NOX3: variants seen among roughly 807,000 people sequenced by gnomAD.
NOX3 encodes NADPH oxidase 3, also known as NADPH oxidase catalytic subunit-like 3.
Under a neutral mutation model 76.7 loss-of-function variants are expected in NOX3, and 74 were observed. The observed-to-expected ratio is 0.96, with a 90% confidence interval of 0.80 to 1.17. The LOEUF (loss-of-function observed/expected upper bound fraction) is 1.17, where lower values mean the gene tolerates loss of function less well. Among genes scored for constraint, NOX3 ranks in the 50% most tolerant of loss-of-function variants. The pLI, the probability that NOX3 is intolerant of heterozygous loss-of-function variation, is 0.00. For synonymous variants in NOX3, 263 were observed against 261.1 expected, an observed-to-expected ratio of 1.01 and a Z score of -0.07; for missense variants, 695 against 703.3, an observed-to-expected ratio of 0.99 and a Z score of 0.13.
At chr6:155,435,489 C>T (rs1776889724) in intron 7 of NOX3, among the ~76,000 whole-genome samples, 1 of 151,226 alleles carries the variant, frequency 6.6e-6, no homozygotes, top group African/African-American at 2.4e-5. Flanking sequence ...TACTTTCACC[C>T]TTAAAATCCA....
chr6:155,450,062 G>T (rs1777114631), intron 4 of NOX3, among the ~76,000 whole-genome samples: 1 of 152,228 alleles, frequency 6.6e-6, no homozygotes, highest in African/African-American at 2.4e-5. Flanking sequence ...TCCTGCATTT[G>T]CAGGGAGTGG....
chr6:155,407,621 T>A (rs555918462), intron 11 of NOX3, among the ~76,000 whole-genome samples: 1 of 152,356 alleles, frequency 6.6e-6, no homozygotes, highest in East Asian at 1.9e-4. Context: ...ACAATTAATG[T>A]CTACCTGCTA....
intron 12 of NOX3, among the ~76,000 whole-genome samples, chr6:155,402,977 G>T (rs1779254398): frequency 6.6e-6 from 1 of 152,108 alleles, no homozygotes; most frequent in Non-Finnish European, 1.5e-5. Context: ...GGCAGGCTTG[G>T]GAACAAACAT....
At chr6:155,436,084 G>C (rs1385077313) in intron 7 of NOX3, among the ~76,000 whole-genome samples, 4 of 152,192 alleles carry the variant, frequency 2.6e-5, no homozygotes, top group Non-Finnish European at 5.9e-5. Context: ...TTATGCAGAG[G>C]ACAGGTGGCT....
intron 7 of NOX3, among the ~76,000 whole-genome samples, chr6:155,432,046 C>A (rs1199708803): frequency 5.7e-4 from 87 of 151,938 alleles, no homozygotes; most frequent in Non-Finnish European, 2.1e-4. Flanking sequence ...TACTCTAATT[C>A]TTTTTTTTCT....
rs548902323 is a variant in NOX3, at chr6:155,434,945, G to A, written c.798+1473C>T. 3.3e-5 allele frequency among the ~76,000 whole-genome samples: 5 copies of A among 152,340 alleles called. No individual in the cohort carries two copies. The South Asian group carries it at 6.2e-4, about 19-fold the overall frequency. On this transcript the variant is annotated intron_variant, in intron 7 of 13. Transcript: ENST00000159060. ...AACGCCCTGAGTTAAGAGAGGCAAG[G>A]GAAGAGAAATGGAGCTTTGTAGAGA...
Position 155,439,964 on chromosome 6 carries a change from A to T in NOX3, c.660T>A (p.His220Gln), listed in dbSNP as rs201134705. 228 of 1,613,592 alleles carry T rather than the reference A, an allele frequency of 1.4e-4. No individual in the cohort carries two copies. The highest frequency in any genetic ancestry group is 1.7e-4 in the Non-Finnish European group (205 of 1,179,860). Residue 220 changes from histidine (H) to glutamine (Q), a missense_variant, in exon 6 of 14, where the codon CAT becomes CAA. Transcript: ENST00000159060. ...FIVFFLSLAIHGTGRIVRGQT... is the reference protein window; with the variant it reads ...FIVFFLSLAIQGTGRIVRGQT... ...GCGCAGTATGGACTTACCCCGTCCC[A>T]TGGATGGCCAGGCTGAGAAAGAAGA...
chr6:155,399,835 G>A (rs1779200263), intron 12 of NOX3, among the ~76,000 whole-genome samples: 1 of 151,920 alleles, frequency 6.6e-6, no homozygotes, highest in African/African-American at 2.4e-5. Flanking sequence ...ACAATCGCTT[G>A]GAATTAAATA....
At chr6:155,443,190 TTTTC>T (rs1415434119) in intron 5 of NOX3, 79 bp downstream of exon 5, 2 of 1,317,222 alleles carry the variant, frequency 1.5e-6, no homozygotes, top group Non-Finnish European at 2.0e-6. Flanking sequence ...TATTAAAAGC[TTTTC>T]AATATAGCGT....
rs765923728 is a variant in NOX3 at position 155,430,899 on chromosome 6, C to A, written c.835G>T (p.Ala279Ser). The A allele has an allele frequency of 3.1e-6, 5 of 1,613,170 alleles. No homozygotes were observed. Among genetic ancestry groups the A allele is most frequent in the Middle Eastern group, 1.6e-4 (1 of 6,084 alleles). Residue 279 changes from alanine (A) to serine (S), a missense_variant, in exon 8 of 14, where the codon GCA (alanine) becomes TCA (serine). By Grantham distance (99) the Ala-to-Ser change is moderately conservative. Coordinates refer to ENST00000159060, the MANE Select transcript of NOX3 (RefSeq NM_015718.3). ...KWILGPVVLY[A>S]CERIIRFWRF... Reference sequence around the variant, plus strand: ...CAGAACCTAATTATTCTTTCACATGCATACAAGACCACAGGGCCTAAAATC... The same window carrying A: ...CAGAACCTAATTATTCTTTCACATGAATACAAGACCACAGGGCCTAAAATC...
intron 10 of NOX3, among the ~76,000 whole-genome samples, chr6:155,415,035 T>C (rs1562461191): frequency 6.6e-6 from 1 of 152,236 alleles, no homozygotes; most frequent in East Asian, 1.9e-4. Context: ...GACCTTAGTT[T>C]CACATCATTC....
rs1776799276 is a variant in NOX3, at chr6:155,429,144, G to C, written c.892-97C>G. 5 of 1,232,344 alleles carry C rather than the reference G, an allele frequency of 4.1e-6. No homozygotes were observed. In the East Asian group the frequency reaches 1.0e-4, roughly 26 times the overall value. 76.3% of individuals were successfully genotyped at this position (1,232,344 alleles called of 1,614,324 possible). ...GGTGTTGAAAATTTTAGATCAGCTTGTTTCAGGTGTAATTTACATATCCCA... is the reference window on the plus strand; with the variant it reads ...GGTGTTGAAAATTTTAGATCAGCTTCTTTCAGGTGTAATTTACATATCCCA... On this transcript the variant is annotated intron_variant, in intron 8 of 13. Coordinates refer to ENST00000159060, the MANE Select transcript of NOX3 (RefSeq NM_015718.3).
chr6:155,438,823 T>TG (rs888850685), intron 6 of NOX3, among the ~76,000 whole-genome samples: 1 of 151,792 alleles, frequency 6.6e-6, no homozygotes, highest in African/African-American at 2.4e-5. Flanking sequence ...GTGGCAATGG[T>TG]GGGAGAATGA....
chr6:155,437,018 A>C (rs922775338), intron 6 of NOX3, among the ~76,000 whole-genome samples: 1 of 152,188 alleles, frequency 6.6e-6, no homozygotes, highest in Non-Finnish European at 1.5e-5. Flanking sequence ...TACCGGAAGA[A>C]TGGTATTTTT....
chr6:155,435,291 T>C (rs1776886884), intron 7 of NOX3, among the ~76,000 whole-genome samples: 1 of 152,070 alleles, frequency 6.6e-6, no homozygotes, highest in Admixed American at 6.6e-5. Context: ...GGAGTATTGA[T>C]TTTTTTATGG....
intron 4 of NOX3, among the ~76,000 whole-genome samples, chr6:155,444,972 G>A (rs1269477569): frequency 6.6e-6 from 1 of 152,198 alleles, no homozygotes; most frequent in East Asian, 1.9e-4. Context: ...TTCTTAAGAA[G>A]TAAATGGAGC....
At chr6:155,440,431 A>G (rs12662748) in intron 5 of NOX3, among the ~76,000 whole-genome samples, 14,476 of 151,846 alleles carry the variant, frequency 0.095, 1,303 homozygotes, top group East Asian at 0.5. Context: ...TTTTGTATAT[A>G]TCATTTCACA....
intron 7 of NOX3, among the ~76,000 whole-genome samples, chr6:155,434,460 A>G (rs1776875584): frequency 6.6e-6 from 1 of 152,210 alleles, no homozygotes; most frequent in Non-Finnish European, 1.5e-5. Flanking sequence ...GAAGATGAAC[A>G]GAGTAAGGGA....
chr6:155,444,101 TG>T (rs1262853851), intron 4 of NOX3, among the ~76,000 whole-genome samples: 2 of 152,254 alleles, frequency 1.3e-5, no homozygotes, highest in East Asian at 3.8e-4. Context: ...ATATTGTTTT[TG>T]TTCTCTTTCA....
Sources: allele counts gnomAD v4.1 joint callset (sites outside exome capture counted in the v4.1 genomes callset), GRCh38; gene constraint gnomAD v4.1.1; transcripts MANE v1.5; gene names NCBI Gene and HGNC (gene_info 2026-07-23, HGNC 2026-07-21).